The following WDFY2 variants were observed in gnomAD, a reference collection of about 807,000 sequenced individuals.
WDFY2 encodes the protein WD repeat and FYVE domain-containing protein 2.
Under a neutral mutation model 56.4 loss-of-function variants are expected in WDFY2, and 36 were observed. The ratio of observed to expected loss-of-function variants is 0.64; its 90% CI spans 0.49 to 0.84. The LOEUF (loss-of-function observed/expected upper bound fraction) is 0.84. WDFY2 is among the 40% of genes least tolerant of loss of function. WDFY2 has a pLI of 0.00. For synonymous variants in WDFY2, 176 were observed against 183.7 expected, an observed-to-expected ratio of 0.96 and a Z score of 0.34; for missense variants, 444 against 512.2, an observed-to-expected ratio of 0.87 and a Z score of 1.29.
intron 1 of WDFY2, among the ~76,000 whole-genome samples, chr13:51,638,720 T>C (rs1955098693): frequency 6.6e-6 from 1 of 152,340 alleles, no homozygotes; most frequent in East Asian, 1.9e-4. Context: ...AGTAAAAATA[T>C]TGGGCACTGC....
intron 11 of WDFY2, 134 bp downstream of exon 11, chr13:51,758,434 C>T: frequency 2.0e-6 from 1 of 509,736 alleles, no homozygotes; most frequent in Non-Finnish European, 3.5e-6. Flanking sequence ...GTCTGTAGTC[C>T]CAGCTACTCA....
At chr13:51,695,621 C>T (rs997596260) in intron 3 of WDFY2, among the ~76,000 whole-genome samples, 3 of 152,166 alleles carry the variant, frequency 2.0e-5, no homozygotes, top group Admixed American at 6.5e-5. Context: ...TTAGGCTGCT[C>T]GGGGGTCAGG....
chr13:51,717,056 A>C (rs2138622803), intron 4 of WDFY2, among the ~76,000 whole-genome samples: 1 of 152,296 alleles, frequency 6.6e-6, no homozygotes, highest in African/African-American at 2.4e-5. Flanking sequence ...GAAACCCTGC[A>C]GCTAACATCA....
intron 1 of WDFY2, among the ~76,000 whole-genome samples, chr13:51,617,324 G>A (rs1405580892): frequency 6.6e-6 from 1 of 151,898 alleles, no homozygotes; most frequent in Non-Finnish European, 1.5e-5. Flanking sequence ...TATATATGAA[G>A]TCCAAGTACA....
intron 6 of WDFY2, among the ~76,000 whole-genome samples, chr13:51,734,228 TC>T (rs1396291943): frequency 2.0e-5 from 3 of 152,036 alleles, no homozygotes; most frequent in Middle Eastern, 3.4e-3. Context: ...GGTAAAAGTC[TC>T]AAAAAAAAAT....
chr13:51,650,480 C>G (rs770560484), intron 1 of WDFY2, among the ~76,000 whole-genome samples: 77 of 152,296 alleles, frequency 5.1e-4, no homozygotes, highest in Non-Finnish European at 9.8e-4. Context: ...GAGGGCATTC[C>G]TGTCTTGTGC....
chr13:51,731,630 C>T (rs146999395), intron 6 of WDFY2, among the ~76,000 whole-genome samples: 1 of 152,254 alleles, frequency 6.6e-6, no homozygotes, highest in East Asian at 1.9e-4. Context: ...TTAAGAGAGT[C>T]CATGGTGATT....
chr13:51,694,845 A>AGTAG (rs1951828592), intron 3 of WDFY2, among the ~76,000 whole-genome samples: 2 of 151,568 alleles, frequency 1.3e-5, no homozygotes, highest in African/African-American at 4.9e-5. Flanking sequence ...TGGTCTTTTC[A>AGTAG]CATAGTCCCA....
intron 6 of WDFY2, among the ~76,000 whole-genome samples, chr13:51,732,296 A>G (rs962442478): frequency 6.6e-6 from 1 of 152,018 alleles, no homozygotes; most frequent in Admixed American, 6.5e-5. Context: ...ATGGCCGACT[A>G]ATTTTTGTAT....
chr13:51,636,243 T>C (rs1955048522), intron 1 of WDFY2, among the ~76,000 whole-genome samples: 1 of 152,200 alleles, frequency 6.6e-6, no homozygotes, highest in South Asian at 2.1e-4. Context: ...TATTTGCAGT[T>C]CACACACTGG....
chr13:51,603,440 C>G (rs1954324280), intron 1 of WDFY2, among the ~76,000 whole-genome samples: 1 of 152,084 alleles, frequency 6.6e-6, no homozygotes, highest in African/African-American at 2.4e-5. Flanking sequence ...CCTTGGGGTG[C>G]TGTAAAAGGG....
intron 1 of WDFY2, among the ~76,000 whole-genome samples, chr13:51,649,003 C>A (rs1371258075): frequency 6.6e-6 from 1 of 152,054 alleles, no homozygotes; most frequent in Non-Finnish European, 1.5e-5. Flanking sequence ...AAAGATTACC[C>A]GAGTGTGGTG....
intron 6 of WDFY2, among the ~76,000 whole-genome samples, chr13:51,732,988 G>T (rs568463554): frequency 4.6e-4 from 70 of 152,256 alleles, no homozygotes; most frequent in Middle Eastern, 6.8e-3. Context: ...AATAATAAAA[G>T]GTCCACTCCT....
intron 7 of WDFY2, 29 bp downstream of exon 7, chr13:51,739,204 T>G (rs761637216): frequency 1.9e-6 from 3 of 1,559,074 alleles, no homozygotes; most frequent in Non-Finnish European, 2.6e-6. Flanking sequence ...TCATAAAGAC[T>G]CTGAGAAAAG....
At chr13:51,612,516 A>G (rs1694267806) in intron 1 of WDFY2, among the ~76,000 whole-genome samples, 1 of 152,236 alleles carries the variant, frequency 6.6e-6, no homozygotes, top group Non-Finnish European at 1.5e-5. Flanking sequence ...TTTTATAGGT[A>G]CACATTTCAA....
chr13:51,744,145 C>T (rs1298814499), intron 7 of WDFY2, among the ~76,000 whole-genome samples: 10 of 152,188 alleles, frequency 6.6e-5, no homozygotes, highest in Admixed American at 6.5e-4. Flanking sequence ...TGCTCACAGC[C>T]TTCTCTGGTC....
chr13:51,681,556 G>A (rs1955976959), intron 3 of WDFY2, among the ~76,000 whole-genome samples: 1 of 152,070 alleles, frequency 6.6e-6, no homozygotes, highest in African/African-American at 2.4e-5. Context: ...CAGCATTTCT[G>A]AGTCATTTTA....
intron 1 of WDFY2, among the ~76,000 whole-genome samples, chr13:51,646,247 G>A (rs1331422663): frequency 6.6e-6 from 1 of 152,226 alleles, no homozygotes; most frequent in Non-Finnish European, 1.5e-5. Flanking sequence ...GTCCAGGCTG[G>A]ATTCTCACGA....
intron 2 of WDFY2, among the ~76,000 whole-genome samples, chr13:51,664,425 G>C (rs1955665189): frequency 1.3e-5 from 2 of 152,184 alleles, no homozygotes; most frequent in South Asian, 4.1e-4. Context: ...CAAGAGCTGT[G>C]AGGCGTTTGT....
Sources: gnomAD v4.1 joint callset for allele counts (sites outside exome capture counted in the v4.1 genomes callset) on GRCh38, gnomAD v4.1.1 for gene constraint, MANE v1.5 for transcripts, NCBI Gene and HGNC (gene_info 2026-07-23, HGNC 2026-07-21) for gene names.